Variants in CDH8 observed in about 807,000 individuals in gnomAD.
The protein encoded by CDH8 is cadherin-8.
A neutral mutation model predicts 68.1 loss-of-function variants in CDH8; 17 were observed. That is an observed-to-expected ratio of 0.25 (90% CI 0.17 to 0.37). CDH8 has a LOEUF of 0.37. CDH8 is among the 10% of genes least tolerant of loss of function. The probability of loss-of-function intolerance (pLI) is 1.00; values close to 1 mark genes in which losing one functional copy is unlikely to be tolerated. For synonymous variants in CDH8, 372 were observed against 365.1 expected, an observed-to-expected ratio of 1.02 and a Z score of -0.21; for missense variants, 763 against 999.3, an observed-to-expected ratio of 0.76 and a Z score of 3.19.
chr16:61,917,068 T>C (rs1652432969), intron 2 of CDH8, among the ~76,000 whole-genome samples: 1 of 52,464 alleles, frequency 1.9e-5, no homozygotes, highest in East Asian at 5.1e-4. Flanking sequence ...TATTAGTGTG[T>C]GTGTGTGTGT....
chr16:61,816,507 A>G (rs992325680), intron 7 of CDH8, among the ~76,000 whole-genome samples: 9 of 152,158 alleles, frequency 5.9e-5, no homozygotes, highest in Non-Finnish European at 1.0e-4. Flanking sequence ...CAAACTCAGA[A>G]ATCAGCTGGA....
chr16:61,701,943 C>T (rs1964436547), intron 10 of CDH8, among the ~76,000 whole-genome samples: 1 of 152,182 alleles, frequency 6.6e-6, no homozygotes, highest in Non-Finnish European at 1.5e-5. Flanking sequence ...TTATGCTTTT[C>T]CTTTTTTATG....
chr16:61,672,134 A>G (rs1963809846), intron 10 of CDH8, among the ~76,000 whole-genome samples: 1 of 152,030 alleles, frequency 6.6e-6, no homozygotes, highest in South Asian at 2.1e-4. Flanking sequence ...TGCCATCCCT[A>G]GTTGATAATG....
chr16:61,728,096 C>T lies in CDH8; in HGVS notation c.1415-881G>A, dbSNP rs1007866619. Among the ~76,000 whole-genome samples, 12 of 150,888 alleles carry T rather than the reference C, an allele frequency of 8.0e-5. No homozygotes were observed. The Admixed American group carries it at 8.0e-4, about 10-fold the overall frequency. ...ATTATACAGAATGCATTGGAGATAG[C>T]CAATTATTTATTTGCATTTCTGTGG... is the stretch of plus-strand genomic sequence containing the variant. On this transcript the variant is annotated intron_variant, in intron 8 of 11. Coordinates refer to ENST00000577390, the MANE Select transcript of CDH8 (RefSeq NM_001796.5).
At chr16:61,712,056 C>G (rs1596889516) in intron 10 of CDH8, among the ~76,000 whole-genome samples, 1 of 151,632 alleles carries the variant, frequency 6.6e-6, no homozygotes, top group Non-Finnish European at 1.5e-5. Flanking sequence ...CTTCTATTTT[C>G]CAGTTTCAAA....
intron 2 of CDH8, among the ~76,000 whole-genome samples, chr16:61,953,577 A>G (rs911358181): frequency 1.1e-4 from 17 of 151,218 alleles, no homozygotes; most frequent in African/African-American, 3.9e-4. Context: ...AAAAAAAAAA[A>G]GACACTGGAG....
Position 61,965,926 on chromosome 16 carries a change from A to C in CDH8, c.252+55226T>G, listed in dbSNP as rs140452098. ...GTATTATCCTTCTGTTTACACCAGAATCCTGACAACTAATTGTTCTGGTAA... is the reference window on the plus strand; with the variant it reads ...GTATTATCCTTCTGTTTACACCAGACTCCTGACAACTAATTGTTCTGGTAA... On this transcript the variant is annotated intron_variant, in intron 2 of 11. Transcript: ENST00000577390. Among the ~76,000 whole-genome samples the C allele has an allele frequency of 9.1e-3, 1,384 of 152,320 alleles. 15 individuals carry two copies. The highest frequency in any genetic ancestry group is 0.014 in the Middle Eastern group (4 of 294).
chr16:61,788,998 ATG>A (rs1405316465), intron 8 of CDH8, among the ~76,000 whole-genome samples: 12 of 152,058 alleles, frequency 7.9e-5, no homozygotes, highest in African/African-American at 2.9e-4. Flanking sequence ...CTATATGTAT[ATG>A]TGTGTCCAAT....
At chr16:61,702,614 A>G (rs2142851668) in intron 10 of CDH8, among the ~76,000 whole-genome samples, 1 of 152,272 alleles carries the variant, frequency 6.6e-6, no homozygotes, top group South Asian at 2.1e-4. Context: ...TTGTAATGTT[A>G]CTCAGTTTTA....
intron 10 of CDH8, among the ~76,000 whole-genome samples, chr16:61,700,466 A>G (rs991444851): frequency 1.3e-5 from 2 of 151,782 alleles, no homozygotes; most frequent in African/African-American, 2.4e-5. Flanking sequence ...TTTTTAGTAG[A>G]GACAGGGTTT....
intron 2 of CDH8, among the ~76,000 whole-genome samples, chr16:62,011,574 C>T (rs1284214357): frequency 1.3e-5 from 2 of 152,142 alleles, no homozygotes; most frequent in African/African-American, 4.8e-5. Flanking sequence ...TGATTTGACC[C>T]ACACAGGGGT....
intron 10 of CDH8, among the ~76,000 whole-genome samples, chr16:61,696,296 A>C (rs1964324431): frequency 6.6e-6 from 1 of 152,228 alleles, no homozygotes; most frequent in Non-Finnish European, 1.5e-5. Flanking sequence ...AAGTGGCTCC[A>C]GTGGAAAGTG....
intron 2 of CDH8, chr16:61,918,749 G>C (rs1213357269): frequency 6.5e-6 from 1 of 154,824 alleles, no homozygotes; most frequent in African/African-American, 2.4e-5. Context: ...AGGGGCGCCC[G>C]CCATTGCCCA....
intron 10 of CDH8, among the ~76,000 whole-genome samples, chr16:61,703,857 A>G (rs1292037807): frequency 6.6e-6 from 1 of 152,070 alleles, no homozygotes; most frequent in Admixed American, 6.6e-5. Context: ...TTTCATGCGT[A>G]TTACTGATAT....
chr16:61,727,960 T>G (rs953313224), intron 8 of CDH8, among the ~76,000 whole-genome samples: 1 of 151,148 alleles, frequency 6.6e-6, no homozygotes. Context: ...GAAGGAGATC[T>G]AGTCCATTAA....
chr16:61,904,071 T>C (rs1964025574), intron 2 of CDH8, among the ~76,000 whole-genome samples: 1 of 152,210 alleles, frequency 6.6e-6, no homozygotes, highest in African/African-American at 2.4e-5. Flanking sequence ...AATATATGTA[T>C]GTTCATTTAT....
At chr16:61,682,896 C>T (rs555914875) in intron 10 of CDH8, among the ~76,000 whole-genome samples, 1 of 151,944 alleles carries the variant, frequency 6.6e-6, no homozygotes, top group Non-Finnish European at 1.5e-5. Context: ...ACGATTCCAT[C>T]TATAAGGACA....
chr16:61,696,182 T>C (rs1259917685), intron 10 of CDH8, among the ~76,000 whole-genome samples: 1 of 152,208 alleles, frequency 6.6e-6, no homozygotes, highest in Non-Finnish European at 1.5e-5. Context: ...TTCACAGCCA[T>C]AATGCTGCTG....
At chr16:62,001,690 C>T (rs1394228104) in intron 2 of CDH8, among the ~76,000 whole-genome samples, 1 of 151,970 alleles carries the variant, frequency 6.6e-6, no homozygotes, top group Non-Finnish European at 1.5e-5. Context: ...TATTATTATG[C>T]TTTAAGTTTT....
Sources: allele counts gnomAD v4.1 joint callset (sites outside exome capture counted in the v4.1 genomes callset), GRCh38; gene constraint gnomAD v4.1.1; transcripts MANE v1.5; gene names NCBI Gene and HGNC (gene_info 2026-07-23, HGNC 2026-07-21).